The following ZNF407 variants were observed in gnomAD, a reference collection of about 807,000 sequenced individuals.
ZNF407 encodes zinc finger protein 407.
Under a neutral mutation model 131.2 loss-of-function variants are expected in ZNF407, and 17 were observed. The ratio of observed to expected loss-of-function variants is 0.13; its 90% CI spans 0.09 to 0.19. The LOEUF is 0.19. Ranked by LOEUF, ZNF407 falls within the 10% of genes least tolerant of loss-of-function variation. The probability of loss-of-function intolerance (pLI) is 1.00; values close to 1 mark genes in which losing one functional copy is unlikely to be tolerated. For missense variants in ZNF407, 2,681 were observed against 2,830.6 expected (o/e 0.95, Z 1.20); for synonymous variants, 1,156 against 1,062.0 (o/e 1.09, Z -1.72).
At chr18:74,889,819 C>A in intron 6 of ZNF407, 99 bp from the exon 7 acceptor site, 1 of 1,098,362 alleles carries the variant, frequency 9.1e-7, no homozygotes, top group Non-Finnish European at 1.3e-6. Flanking sequence ...CTTGACATTT[C>A]ATGGAAATAA....
At chr18:74,865,761 G>A (rs181581401) in intron 4 of ZNF407, among the ~76,000 whole-genome samples, 1 of 152,108 alleles carries the variant, frequency 6.6e-6, no homozygotes. Context: ...ATTCATAATT[G>A]CACACATCCA....
intron 4 of ZNF407, among the ~76,000 whole-genome samples, chr18:74,839,909 C>T (rs929469223): frequency 6.6e-6 from 1 of 152,140 alleles, no homozygotes; most frequent in African/African-American, 2.4e-5. Context: ...CACCGTTAGA[C>T]TCTATAAAGC....
At chr18:74,957,930 C>T (rs1433483410) in intron 8 of ZNF407, among the ~76,000 whole-genome samples, 2 of 152,100 alleles carry the variant, frequency 1.3e-5, no homozygotes, top group Non-Finnish European at 1.5e-5. Context: ...GAATGCCTTT[C>T]CCACCTCTGC....
intron 7 of ZNF407, among the ~76,000 whole-genome samples, chr18:74,918,811 G>A (rs1971808232): frequency 6.6e-6 from 1 of 152,136 alleles, no homozygotes; most frequent in South Asian, 2.1e-4. Context: ...GGGCATTGCA[G>A]TATAGCTGCA....
rs545876863 is a variant in ZNF407 at position 75,012,153 on chromosome 18, A to G, written c.5429-50997A>G. 6.6e-5 allele frequency among the ~76,000 whole-genome samples: 10 copies of G among 152,312 alleles called. No homozygotes were observed. The East Asian group carries it at 1.4e-3, about 21-fold the overall frequency. On this transcript the variant is annotated intron_variant, in intron 8 of 8. Coordinates refer to ENST00000299687, the MANE Select transcript of ZNF407 (RefSeq NM_017757.3). The stretch of plus-strand genomic sequence containing the variant: ...TGTCACATTGTAGAATGTATCGTCA[A>G]TACATTCTGTTTATGGTGTCCTTGG...
chr18:74,854,056 C>T (rs1002379795), intron 4 of ZNF407, among the ~76,000 whole-genome samples: 29 of 152,122 alleles, frequency 1.9e-4, no homozygotes, highest in African/African-American at 6.3e-4. Context: ...GAATGTCTGG[C>T]GGATGAGTGA....
intron 8 of ZNF407, among the ~76,000 whole-genome samples, chr18:74,935,513 A>C (rs550452197): frequency 6.6e-6 from 1 of 152,292 alleles, no homozygotes; most frequent in East Asian, 1.9e-4. Flanking sequence ...CCTCATGCAC[A>C]TTTAATTGTA....
chr18:74,763,607 A>G (rs1409604100), intron 3 of ZNF407, among the ~76,000 whole-genome samples: 2 of 151,828 alleles, frequency 1.3e-5, no homozygotes, highest in East Asian at 1.9e-4. Flanking sequence ...TTCTACTACA[A>G]GTGTGTAAGG....
chr18:74,964,222 G>A (rs189199149), intron 8 of ZNF407, among the ~76,000 whole-genome samples: 22 of 152,312 alleles, frequency 1.4e-4, no homozygotes, highest in Non-Finnish European at 2.5e-4. Flanking sequence ...GTATTCTAGT[G>A]TCTGGCCATG....
chr18:74,884,673 A>G (rs943593525), intron 6 of ZNF407, among the ~76,000 whole-genome samples: 1 of 152,200 alleles, frequency 6.6e-6, no homozygotes, highest in Admixed American at 6.5e-5. Flanking sequence ...AATATGAACT[A>G]TAGAGAATAT....
intron 7 of ZNF407, among the ~76,000 whole-genome samples, chr18:74,913,241 A>G (rs969127308): frequency 1.3e-5 from 2 of 152,254 alleles, no homozygotes; most frequent in Non-Finnish European, 2.9e-5. Context: ...AGAAATGGAA[A>G]GCATTCTACA....
intron 4 of ZNF407, among the ~76,000 whole-genome samples, chr18:74,787,717 G>C (rs1324695700): frequency 6.6e-6 from 1 of 152,136 alleles, no homozygotes; most frequent in Non-Finnish European, 1.5e-5. Flanking sequence ...TGTCCTTTCA[G>C]TTTTAGCTTT....
intron 3 of ZNF407, among the ~76,000 whole-genome samples, chr18:74,732,102 A>AT (rs1051033693): frequency 6.6e-6 from 1 of 152,106 alleles, no homozygotes; most frequent in African/African-American, 2.4e-5. Context: ...TGGGACTTAT[A>AT]TTTTTTGCTG....
rs17055716 is a variant in ZNF407, at chr18:74,833,380, A to T, written c.4878-43817A>T. Among the ~76,000 whole-genome samples the T allele has an allele frequency of 6.1e-3, 933 of 152,352 alleles. 10 individuals are homozygous for T. The highest frequency in any genetic ancestry group is 0.021 in the African/African-American group (859 of 41,588). On this transcript the variant is annotated intron_variant, in intron 4 of 8. Coordinates refer to ENST00000299687, the MANE Select transcript of ZNF407 (RefSeq NM_017757.3). ...AATGATTGAAGAGGTAATTTCACTTAATCAAACTGTAATAAATGACATGGT... is the reference window on the plus strand; with the variant it reads ...AATGATTGAAGAGGTAATTTCACTTTATCAAACTGTAATAAATGACATGGT...
chr18:74,674,899 G>A (rs947245468), intron 3 of ZNF407, among the ~76,000 whole-genome samples: 1 of 152,210 alleles, frequency 6.6e-6, no homozygotes, highest in African/African-American at 2.4e-5. Flanking sequence ...GCTTTAAAAA[G>A]TGTCTCTGTG....
chr18:74,984,198 G>A lies in ZNF407; in HGVS notation c.5428+63506G>A, dbSNP rs566323795. Among the ~76,000 whole-genome samples, 340 of 152,196 alleles carry A rather than the reference G, an allele frequency of 2.2e-3. 2 individuals carry two copies. The highest frequency in any genetic ancestry group is 7.4e-3 in the African/African-American group (307 of 41,520). ...CTCTGTGTACCTCGTTGTCCAGGTC[G>A]TTAGCCACTCCCAGCGAGCCTCGCC... On this transcript the variant is annotated intron_variant, in intron 8 of 8. Coordinates refer to ENST00000299687, the MANE Select transcript of ZNF407 (RefSeq NM_017757.3).
At chr18:74,714,560 C>T (rs959091189) in intron 3 of ZNF407, among the ~76,000 whole-genome samples, 2 of 152,120 alleles carry the variant, frequency 1.3e-5, no homozygotes, top group Non-Finnish European at 2.9e-5. Flanking sequence ...TTAATATCTT[C>T]CTTGTTTGTC....
chr18:74,769,254 C>G (rs969825199), intron 3 of ZNF407, among the ~76,000 whole-genome samples: 1 of 152,128 alleles, frequency 6.6e-6, no homozygotes, highest in Non-Finnish European at 1.5e-5. Context: ...TTTAATATAC[C>G]AAGCACATCT....
At chr18:75,049,108 G>GGGGT (rs1973469550) in intron 8 of ZNF407, among the ~76,000 whole-genome samples, 1 of 91,734 alleles carries the variant, frequency 1.1e-5, no homozygotes, top group Non-Finnish European at 2.2e-5. Context: ...TGGGTGGGGG[G>GGGGT]GGGGTGGGGG....
Sources: gnomAD v4.1 joint callset for allele counts (sites outside exome capture counted in the v4.1 genomes callset) on GRCh38, gnomAD v4.1.1 for gene constraint, MANE v1.5 for transcripts, NCBI Gene and HGNC (gene_info 2026-07-23, HGNC 2026-07-21) for gene names.